NCKAP1: variants seen among roughly 807,000 people sequenced by gnomAD.
NCKAP1 encodes NCK associated protein 1.
In NCKAP1, 21 loss-of-function variants were observed where a neutral mutation model predicts 151.2. The observed-to-expected ratio is 0.14, with a 90% confidence interval of 0.10 to 0.20. The LOEUF (loss-of-function observed/expected upper bound fraction) is 0.20, where lower values mean the gene tolerates loss of function less well. NCKAP1 is among the 10% of genes least tolerant of loss of function. The probability of loss-of-function intolerance (pLI) is 1.00; values close to 1 mark genes in which losing one functional copy is unlikely to be tolerated. For missense variants in NCKAP1, 933 were observed against 1,352.1 expected (o/e 0.69, Z 4.86); for synonymous variants, 484 against 451.8 (o/e 1.07, Z -0.90).
At chr2:183,015,494 A>G (rs1007335087) in intron 2 of NCKAP1, among the ~76,000 whole-genome samples, 1 of 151,960 alleles carries the variant, frequency 6.6e-6, no homozygotes, top group African/African-American at 2.4e-5. Flanking sequence ...GGAAAAAAAA[A>G]AAATTATAAA....
At chr2:182,926,507 A>G (rs773469233) in intron 30 of NCKAP1, among the ~76,000 whole-genome samples, 2 of 152,074 alleles carry the variant, frequency 1.3e-5, no homozygotes, top group Admixed American at 6.6e-5. Context: ...AAAACTCAGA[A>G]AACTGGAAGA....
At position 182,927,000 on chromosome 2, in the gene NCKAP1, C is replaced by G; in HGVS notation, c.3181-95G>C. On this transcript the variant is annotated intron_variant, in intron 29 of 30. Coordinates refer to ENST00000361354, the MANE Select transcript of NCKAP1 (RefSeq NM_013436.5). ...GTTTCAACTTCCAACACATTTCAAT[C>G]ATTCAGTGCTAAATATAAAATAATG... 3.9e-6 allele frequency: 3 copies of G among 766,594 alleles called. 1 individual carries two copies. Among genetic ancestry groups the G allele is most frequent in the Non-Finnish European group, 6.5e-6 (3 of 460,406 alleles). 47.5% of individuals were successfully genotyped at this position (766,594 alleles called of 1,614,324 possible). A position where few individuals can be genotyped will look rare whatever the true frequency, so the allele number is the denominator to read the frequency against.
chr2:182,996,642 G>A (rs1441775284), intron 6 of NCKAP1, among the ~76,000 whole-genome samples: 1 of 152,156 alleles, frequency 6.6e-6, no homozygotes, highest in African/African-American at 2.4e-5. Context: ...ATTTTTAGTA[G>A]AGACGGGGTT....
chr2:183,032,709 T>G (rs569672699), intron 1 of NCKAP1, among the ~76,000 whole-genome samples: 89 of 152,318 alleles, frequency 5.8e-4, no homozygotes, highest in African/African-American at 2.0e-3. Flanking sequence ...GCTCCTCAAC[T>G]TAACAATAGG....
Position 182,910,829 on chromosome 2 carries a change from C to T in NCKAP1, c.*14873G>A, listed in dbSNP as rs1575003685. The T allele has an allele frequency of 1.3e-5, 2 of 152,228 alleles. No homozygotes were observed. Among genetic ancestry groups the T allele is most frequent in the East Asian group, 3.9e-4 (2 of 5,178 alleles). The allele number at this position is 152,228 out of a possible 1,614,324, so 9.4% of individuals were successfully genotyped here. On this transcript the variant is annotated 3_prime_UTR_variant, in exon 31 of 31. Coordinates refer to ENST00000361354, the MANE Select transcript of NCKAP1 (RefSeq NM_013436.5). ...TCAAGAACACTGGCTTATCAGCAAC[C>T]TTCAGAGAAAGTTACTGAGAAGAAG...
chr2:183,031,131 A>G (rs562394396), intron 1 of NCKAP1, among the ~76,000 whole-genome samples: 1 of 152,366 alleles, frequency 6.6e-6, no homozygotes, highest in Non-Finnish European at 1.5e-5. Context: ...AAAAATATAG[A>G]AATCACAGTT....
rs190333484 is a variant in NCKAP1, at chr2:182,967,753, T to C, written c.1483-392A>G. Reference sequence around the variant, plus strand: ...AAAACTAAGTACTGCACATGTTGATTCAATGAGGTTTTAGAGTATACTGAT... The same window carrying C: ...AAAACTAAGTACTGCACATGTTGATCCAATGAGGTTTTAGAGTATACTGAT... On this transcript the variant is annotated intron_variant, in intron 15 of 30. Coordinates refer to ENST00000361354, the MANE Select transcript of NCKAP1 (RefSeq NM_013436.5). 2.6e-5 allele frequency among the ~76,000 whole-genome samples: 4 copies of C among 152,326 alleles called. No homozygotes were observed. The East Asian group carries it at 7.7e-4, about 29-fold the overall frequency.
At chr2:183,004,213 G>A (rs1387301239) in intron 2 of NCKAP1, among the ~76,000 whole-genome samples, 1 of 150,906 alleles carries the variant, frequency 6.6e-6, no homozygotes, top group Non-Finnish European at 1.5e-5. Context: ...CCCAGGTGTT[G>A]TAAACACACA....
intron 6 of NCKAP1, among the ~76,000 whole-genome samples, chr2:183,000,334 T>C (rs1476559163): frequency 6.6e-6 from 1 of 152,166 alleles, no homozygotes; most frequent in Non-Finnish European, 1.5e-5. Flanking sequence ...TATATAGAAC[T>C]TAAAAAGCCG....
chr2:182,964,608 G>T, intron 17 of NCKAP1, 68 bp downstream of exon 17: 1 of 1,298,058 alleles, frequency 7.7e-7, no homozygotes, highest in Non-Finnish European at 1.0e-6. Context: ...GTAAATATTT[G>T]GTTGGCTACA....
Position 182,912,669 on chromosome 2 carries a change from T to G in NCKAP1, c.*13033A>C, listed in dbSNP as rs999035219. ...AGTTAGCCATAATAAAAATGGAATT[T>G]GAATGTTAGAGTGCAACCTGACAAA... On this transcript the variant is annotated 3_prime_UTR_variant, in exon 31 of 31. Transcript: ENST00000361354. 2.6e-4 allele frequency: 40 copies of G among 152,226 alleles called. No individual in the cohort carries two copies. Among genetic ancestry groups the G allele is most frequent in the African/African-American group, 9.4e-4 (39 of 41,462 alleles). The allele number at this position is 152,226 out of a possible 1,614,324, so 9.4% of individuals were successfully genotyped here.
chr2:182,944,319 T>C (rs2105813774), intron 23 of NCKAP1, among the ~76,000 whole-genome samples: 1 of 152,282 alleles, frequency 6.6e-6, no homozygotes, highest in South Asian at 2.1e-4. Flanking sequence ...TAGTTGGTAT[T>C]GTGTTAAAAA....
chr2:182,986,626 C>G (rs1436186406), intron 9 of NCKAP1, among the ~76,000 whole-genome samples: 1 of 151,932 alleles, frequency 6.6e-6, no homozygotes, highest in Non-Finnish European at 1.5e-5. Flanking sequence ...TATCTTTAAG[C>G]ATGAAAAAAT....
chr2:182,982,751 G>A (rs947986889), intron 12 of NCKAP1, 70 bp downstream of exon 12: 20 of 987,620 alleles, frequency 2.0e-5, no homozygotes, highest in Admixed American at 2.7e-5. Flanking sequence ...GGTCTATCAG[G>A]ACATAACCCC....
intron 6 of NCKAP1, among the ~76,000 whole-genome samples, chr2:182,999,286 A>G (rs1485002745): frequency 6.6e-6 from 1 of 152,190 alleles, no homozygotes; most frequent in African/African-American, 2.4e-5. Context: ...TACGGAACTT[A>G]AATCAACAAG....
chr2:182,965,310 C>G (rs1199793951), intron 16 of NCKAP1, among the ~76,000 whole-genome samples: 1 of 149,970 alleles, frequency 6.7e-6, no homozygotes, highest in Non-Finnish European at 1.5e-5. Flanking sequence ...AATAATCACA[C>G]GCCATCAATT....
chr2:182,960,114 C>G (rs1317745894), intron 18 of NCKAP1, among the ~76,000 whole-genome samples: 1 of 152,156 alleles, frequency 6.6e-6, no homozygotes, highest in Non-Finnish European at 1.5e-5. Context: ...ATTCCATGCT[C>G]ATGGGTAGGA....
At position 182,964,555 on chromosome 2, in the gene NCKAP1, T is replaced by A. The variant is rs563876702; in HGVS notation, c.1761+121A>T. The A allele has an allele frequency of 4.4e-6, 3 of 683,932 alleles. No individual in the cohort carries two copies. In the African/African-American group the frequency reaches 5.5e-5, roughly 13 times the overall value. 42.4% of individuals were successfully genotyped at this position (683,932 alleles called of 1,614,324 possible). A position where few individuals can be genotyped will look rare whatever the true frequency, so the allele number is the denominator to read the frequency against. ...GTTCAAGCACTTTTCTGATTCTGCA[T>A]AGAGATGTATTCGATGGGAAGCTAA... On this transcript the variant is annotated intron_variant, in intron 17 of 30. Transcript: ENST00000361354.
chr2:182,984,867 T>C (rs998594371), intron 10 of NCKAP1, among the ~76,000 whole-genome samples: 1 of 152,168 alleles, frequency 6.6e-6, no homozygotes, highest in African/African-American at 2.4e-5. Context: ...TCCTAGAAGT[T>C]ACCACTGCTT....
Sources: allele counts gnomAD v4.1 joint callset (sites outside exome capture counted in the v4.1 genomes callset), GRCh38; gene constraint gnomAD v4.1.1; transcripts MANE v1.5; gene names NCBI Gene and HGNC (gene_info 2026-07-23, HGNC 2026-07-21).